Variants in ASTN1 observed in about 807,000 individuals in gnomAD.
ASTN1 encodes astrotactin-1.
ASTN1 carries 41 observed loss-of-function variants against 140.7 expected under a neutral mutation model. The observed-to-expected ratio is 0.29, with a 90% confidence interval of 0.23 to 0.38. ASTN1 has a LOEUF of 0.38. Among genes scored for constraint, ASTN1 ranks in the 10% least tolerant of loss-of-function variants. The pLI, the probability that ASTN1 is intolerant of heterozygous loss-of-function variation, is 1.00. For missense variants in ASTN1, 1,479 were observed against 1,678.8 expected, an observed-to-expected ratio of 0.88 and a Z score of 2.08; for synonymous variants, 640 against 652.2, an observed-to-expected ratio of 0.98 and a Z score of 0.29.
At chr1:176,954,814 T>A (rs1398581818) in intron 11 of ASTN1, among the ~76,000 whole-genome samples, 1 of 152,204 alleles carries the variant, frequency 6.6e-6, no homozygotes, top group Non-Finnish European at 1.5e-5. Flanking sequence ...ATGGTGTGAC[T>A]GTGGTTTGTA....
At chr1:177,025,787 C>T (rs182915855) in intron 5 of ASTN1, among the ~76,000 whole-genome samples, 4 of 152,260 alleles carry the variant, frequency 2.6e-5, no homozygotes, top group East Asian at 1.9e-4. Context: ...TAAGAGTTGA[C>T]GCTCCTTGTG....
At chr1:177,140,731 G>C (rs182188405) in intron 1 of ASTN1, among the ~76,000 whole-genome samples, 3 of 152,148 alleles carry the variant, frequency 2.0e-5, no homozygotes, top group African/African-American at 4.8e-5. Context: ...GAGAGATAAG[G>C]TACCAGAGTG....
intron 1 of ASTN1, among the ~76,000 whole-genome samples, chr1:177,140,988 G>A (rs976749212): frequency 6.6e-6 from 1 of 152,128 alleles, no homozygotes; most frequent in Non-Finnish European, 1.5e-5. Context: ...AGGCCAAGGC[G>A]GGCAGATCAC....
intron 5 of ASTN1, among the ~76,000 whole-genome samples, chr1:177,025,665 T>C (rs1037128519): frequency 6.6e-6 from 1 of 152,324 alleles, no homozygotes; most frequent in Admixed American, 6.5e-5. Context: ...AGGCAGACAC[T>C]GTGCTGAGTT....
At chr1:177,095,142 T>C (rs1679967736) in intron 1 of ASTN1, among the ~76,000 whole-genome samples, 1 of 152,202 alleles carries the variant, frequency 6.6e-6, no homozygotes, top group African/African-American at 2.4e-5. Context: ...GCTTAGCCTC[T>C]CTTGAGTGCT....
intron 2 of ASTN1, among the ~76,000 whole-genome samples, chr1:177,046,350 T>A (rs1677222657): frequency 6.6e-6 from 1 of 152,192 alleles, no homozygotes; most frequent in Non-Finnish European, 1.5e-5. Context: ...TTTTCAGCAC[T>A]TTACCTATTA....
At chr1:177,059,730 G>T (rs193245329) in intron 2 of ASTN1, among the ~76,000 whole-genome samples, 169 of 152,222 alleles carry the variant, frequency 1.1e-3, no homozygotes, top group African/African-American at 3.9e-3. Flanking sequence ...TGGATAATAG[G>T]CATTCTTCTA....
chr1:176,981,063 T>A (rs752302460), intron 8 of ASTN1, among the ~76,000 whole-genome samples: 2 of 151,160 alleles, frequency 1.3e-5, no homozygotes, highest in Non-Finnish European at 2.9e-5. Flanking sequence ...AATACAAAAA[T>A]TAGCTGGGCG....
In ASTN1 at chr1:177,102,684, G is replaced by T. The variant is rs567124173; in HGVS notation, c.284-41419C>A. 4.6e-4 allele frequency among the ~76,000 whole-genome samples: 70 copies of T among 152,316 alleles called. 1 individual carries two copies. Among genetic ancestry groups the T allele is most frequent in the South Asian group, 2.1e-3 (10 of 4,832 alleles). Reference sequence around the variant, plus strand: ...TGGGTCAGACTACTTTCTTAATTCAGACTAATACTCTTTTATAAATGATGG... The same window carrying T: ...TGGGTCAGACTACTTTCTTAATTCATACTAATACTCTTTTATAAATGATGG... On this transcript the variant is annotated intron_variant, in intron 1 of 22. Coordinates refer to ENST00000361833, the MANE Select transcript of ASTN1 (RefSeq NM_004319.3).
chr1:176,888,023 CATT>C (rs1557936430), intron 18 of ASTN1, 45 bp downstream of exon 18: 1 of 1,611,192 alleles, frequency 6.2e-7, no homozygotes, highest in African/African-American at 1.3e-5. Flanking sequence ...AGTAGACGCT[CATT>C]ATCTGTTTCC....
chr1:177,060,250 T>C (rs559266280), intron 2 of ASTN1, among the ~76,000 whole-genome samples: 1 of 152,204 alleles, frequency 6.6e-6, no homozygotes, highest in African/African-American at 2.4e-5. Context: ...AATTTCTAAG[T>C]AGGAGAAGGA....
intron 1 of ASTN1, among the ~76,000 whole-genome samples, chr1:177,074,134 C>T (rs186291978): frequency 6.6e-6 from 1 of 152,176 alleles, no homozygotes; most frequent in Non-Finnish European, 1.5e-5. Context: ...AATGATATGA[C>T]AAAGATCCTT....
At chr1:177,116,352 G>A (rs1186674976) in intron 1 of ASTN1, among the ~76,000 whole-genome samples, 1 of 152,128 alleles carries the variant, frequency 6.6e-6, no homozygotes, top group East Asian at 1.9e-4. Context: ...ATTATTTTAT[G>A]TGTAGATGAC....
intron 8 of ASTN1, among the ~76,000 whole-genome samples, chr1:176,977,830 C>T (rs568164362): frequency 1.1e-4 from 16 of 152,324 alleles, no homozygotes; most frequent in South Asian, 6.2e-4. Flanking sequence ...CTGGCAAAGA[C>T]GTCTGTGAGT....
At chr1:177,058,226 T>A (rs541521362) in intron 2 of ASTN1, among the ~76,000 whole-genome samples, 2 of 152,100 alleles carry the variant, frequency 1.3e-5, no homozygotes, top group Non-Finnish European at 2.9e-5. Context: ...CACTTCATCC[T>A]GAGATTCCTG....
intron 14 of ASTN1, among the ~76,000 whole-genome samples, chr1:176,941,652 C>A (rs1026266607): frequency 6.6e-6 from 1 of 152,116 alleles, no homozygotes; most frequent in Non-Finnish European, 1.5e-5. Flanking sequence ...CTTTATCCAC[C>A]CTCTCCTCCC....
At chr1:176,924,921 G>C (rs1248321517) in intron 16 of ASTN1, among the ~76,000 whole-genome samples, 1 of 152,134 alleles carries the variant, frequency 6.6e-6, no homozygotes, top group Non-Finnish European at 1.5e-5. Flanking sequence ...TCTGAATACT[G>C]TTTTAAGCAA....
rs996533998 is a variant in ASTN1 at position 177,014,958 on chromosome 1, TAGTC to T, written c.1439-87_1439-84del. On this transcript the variant is annotated intron_variant, in intron 7 of 22. Coordinates refer to ENST00000361833, the MANE Select transcript of ASTN1 (RefSeq NM_004319.3). ...TGTGTTTGTAAAAATTAACATGAAA[TAGTC>T]AGGGTAAACTCTTACTCTGATATTA... 62 of 1,278,648 alleles carry T rather than the reference TAGTC, an allele frequency of 4.8e-5. No homozygotes were observed. The East Asian group carries it at 1.0e-3, about 21-fold the overall frequency. 79.2% of individuals were successfully genotyped at this position (1,278,648 alleles called of 1,614,324 possible).
At chr1:176,880,282 C>A (rs751076464) in intron 20 of ASTN1, among the ~76,000 whole-genome samples, 1 of 152,170 alleles carries the variant, frequency 6.6e-6, no homozygotes, top group Non-Finnish European at 1.5e-5. Flanking sequence ...GTGGAGGACT[C>A]GTAAGCCCCC....
Sources: allele counts gnomAD v4.1 joint callset (sites outside exome capture counted in the v4.1 genomes callset), GRCh38; gene constraint gnomAD v4.1.1; transcripts MANE v1.5; gene names NCBI Gene and HGNC (gene_info 2026-07-23, HGNC 2026-07-21).